RFC3: variants seen among roughly 807,000 people sequenced by gnomAD.
The protein encoded by RFC3 is A1 38 kDa subunit.
A neutral mutation model predicts 45.1 loss-of-function variants in RFC3; 41 were observed. The observed-to-expected ratio is 0.91, with a 90% CI of 0.71 to 1.18. RFC3 has a LOEUF of 1.18. Among genes scored for constraint, RFC3 ranks in the 50% most tolerant of loss-of-function variants. The probability of loss-of-function intolerance (pLI) is 0.00; values close to 1 mark genes in which losing one functional copy is unlikely to be tolerated. For synonymous variants in RFC3, 149 were observed against 144.0 expected (o/e 1.03, Z -0.25); for missense variants, 423 against 428.1 (o/e 0.99, Z 0.10).
intron 8 of RFC3, among the ~76,000 whole-genome samples, chr13:33,851,773 T>G (rs9805579): frequency 6.6e-6 from 1 of 152,130 alleles, no homozygotes; most frequent in East Asian, 1.9e-4. Flanking sequence ...CACACACATA[T>G]GATCCAATTC....
At chr13:33,872,919 G>T (rs193091013) in intron 8 of RFC3, among the ~76,000 whole-genome samples, 95 of 151,240 alleles carry the variant, frequency 6.3e-4, no homozygotes, top group African/African-American at 2.1e-3. Context: ...TTTTCATTTG[G>T]GCTTGTATGT....
chr13:33,820,797 G>A (rs2081994774), intron 1 of RFC3, among the ~76,000 whole-genome samples: 1 of 151,980 alleles, frequency 6.6e-6, no homozygotes, highest in African/African-American at 2.4e-5. Context: ...CTGATAGTCA[G>A]GTTTGGGAGT....
At chr13:33,913,391 G>C (rs776126474) in intron 8 of RFC3, among the ~76,000 whole-genome samples, 1 of 152,094 alleles carries the variant, frequency 6.6e-6, no homozygotes, top group Non-Finnish European at 1.5e-5. Context: ...AGGCACTGCG[G>C]AATCTCTTCT....
chr13:33,872,461 C>T (rs914679323), intron 8 of RFC3, among the ~76,000 whole-genome samples: 2 of 152,120 alleles, frequency 1.3e-5, no homozygotes, highest in Non-Finnish European at 2.9e-5. Flanking sequence ...CGGCCAGGTG[C>T]GGTGGCTCAC....
At chr13:33,893,287 A>G (rs1349895787) in intron 8 of RFC3, among the ~76,000 whole-genome samples, 2 of 152,124 alleles carry the variant, frequency 1.3e-5, no homozygotes, top group African/African-American at 2.4e-5. Flanking sequence ...TAGCACCCCA[A>G]TTATTTACTA....
At chr13:33,932,497 A>G (rs1204797129) in intron 8 of RFC3, among the ~76,000 whole-genome samples, 1 of 152,144 alleles carries the variant, frequency 6.6e-6, no homozygotes, top group Non-Finnish European at 1.5e-5. Flanking sequence ...TTATAAAATA[A>G]CATGCAAGTA....
At chr13:33,948,650 C>T (rs2082969656) in intron 8 of RFC3, among the ~76,000 whole-genome samples, 1 of 152,230 alleles carries the variant, frequency 6.6e-6, no homozygotes, top group East Asian at 1.9e-4. Context: ...CCCTGCAAAG[C>T]CACAAGGGTG....
intron 8 of RFC3, among the ~76,000 whole-genome samples, chr13:33,931,212 G>A (rs1025339554): frequency 9.9e-5 from 15 of 152,090 alleles, no homozygotes; most frequent in African/African-American, 3.6e-4. Flanking sequence ...TGCTGCTCAC[G>A]ATGGCAATGA....
At chr13:33,973,441 C>T in the RFC3 span, among the ~76,000 whole-genome samples, 2 of 152,122 alleles carry the variant, frequency 1.3e-5, no homozygotes, top group Non-Finnish European at 2.9e-5. Flanking sequence ...GTCTTCTCTA[C>T]TTTTGCAGCC....
At chr13:33,930,699 A>C (rs574609685) in intron 8 of RFC3, among the ~76,000 whole-genome samples, 1 of 152,268 alleles carries the variant, frequency 6.6e-6, no homozygotes, top group South Asian at 2.1e-4. Flanking sequence ...CTCTTCTGTG[A>C]ATTGTCAACT....
chr13:33,873,769 G>A (rs1450540623), intron 8 of RFC3, among the ~76,000 whole-genome samples: 1 of 152,182 alleles, frequency 6.6e-6, no homozygotes. Flanking sequence ...TAGTCTATGT[G>A]ATGTGCTCAG....
chr13:33,835,338 C>G, intron 8 of RFC3, 121 bp downstream of exon 8: 1 of 756,566 alleles, frequency 1.3e-6, no homozygotes, highest in East Asian at 2.5e-5. Context: ...ATTAATTGCA[C>G]GTATTTACTG....
intron 8 of RFC3, among the ~76,000 whole-genome samples, chr13:33,920,420 CTTTTTTT>C (rs777079510): frequency 2.0e-3 from 169 of 83,176 alleles, no homozygotes; most frequent in African/African-American, 7.7e-3. Flanking sequence ...TACAACCACA[CTTTTTTT>C]TTTTTTTTTT....
chr13:33,951,039 CTTTTTTT>C (rs926664684), intron 8 of RFC3, among the ~76,000 whole-genome samples: 5 of 60,804 alleles, frequency 8.2e-5, no homozygotes, highest in East Asian at 6.2e-4. Flanking sequence ...TCTGATGGCT[CTTTTTTT>C]TTTTTTTTTT....
In RFC3 at chr13:33,935,157, G is replaced by T. The variant is rs117306771; in HGVS notation, c.880-30930G>T. The stretch of plus-strand genomic sequence containing the variant: ...GAGATTTTTTTTTTCAAATGTCAAG[G>T]GGGCAGGGACAATGTTTTAAATAAA... On this transcript the variant is annotated intron_variant, in intron 8 of 8. Coordinates refer to the RFC3 transcript ENST00000434425. Among the ~76,000 whole-genome samples the T allele has an allele frequency of 8.2e-4, 125 of 151,976 alleles. No homozygotes were observed. The East Asian group carries it at 0.017, about 21-fold the overall frequency.
chr13:33,941,573 T>C (rs181064554), intron 8 of RFC3, among the ~76,000 whole-genome samples: 46 of 152,314 alleles, frequency 3.0e-4, no homozygotes, highest in African/African-American at 1.1e-3. Context: ...AAATATATAC[T>C]TTTATTGTCT....
intron 1 of RFC3, among the ~76,000 whole-genome samples, chr13:33,820,812 G>A (rs548545306): frequency 2.0e-5 from 3 of 151,720 alleles, no homozygotes; most frequent in East Asian, 1.9e-4. Context: ...GGGAGTTCCC[G>A]CTTTCTAGCA....
At chr13:33,910,397 G>T (rs1313421875) in intron 8 of RFC3, among the ~76,000 whole-genome samples, 1 of 152,066 alleles carries the variant, frequency 6.6e-6, no homozygotes, top group African/African-American at 2.4e-5. Context: ...AGGCATTTTG[G>T]GAGTGCTTGG....
At chr13:33,962,302 C>T (rs546159268) in intron 8 of RFC3, among the ~76,000 whole-genome samples, 2 of 152,286 alleles carry the variant, frequency 1.3e-5, no homozygotes, top group Admixed American at 6.5e-5. Context: ...ATTAACCTGT[C>T]GGTGCCTCAG....
Sources: gnomAD v4.1 joint callset for allele counts (sites outside exome capture counted in the v4.1 genomes callset) on GRCh38, gnomAD v4.1.1 for gene constraint, MANE v1.5 for transcripts, NCBI Gene and HGNC (gene_info 2026-07-23, HGNC 2026-07-21) for gene names.